ARFGEF1: variants seen among roughly 807,000 people sequenced by gnomAD.
The protein encoded by ARFGEF1 is ARF guanine nucleotide exchange factor 1, also known as brefeldin A-inhibited guanine nucleotide-exchange protein 1.
Under a neutral mutation model 231.0 loss-of-function variants are expected in ARFGEF1, and 42 were observed. The ratio of observed to expected loss-of-function variants is 0.18; its 90% confidence interval spans 0.14 to 0.24. ARFGEF1 has a LOEUF of 0.24. Ranked by LOEUF, ARFGEF1 falls within the 10% of genes least tolerant of loss-of-function variation. The pLI is 1.00. For synonymous variants in ARFGEF1, 710 were observed against 732.3 expected, an observed-to-expected ratio of 0.97 and a Z score of 0.49; for missense variants, 1,345 against 2,192.0, an observed-to-expected ratio of 0.61 and a Z score of 7.72.
intron 34 of ARFGEF1, among the ~76,000 whole-genome samples, chr8:67,206,405 A>G (rs1004773322): frequency 7.2e-6 from 1 of 139,512 alleles, no homozygotes; most frequent in Non-Finnish European, 1.5e-5. Context: ...GCCAGATTTT[A>G]TCTTTAAAAA....
Position 67,253,599 on chromosome 8 carries a change from T to A in ARFGEF1, c.2550A>T (p.Glu850Asp). The A allele has an allele frequency of 6.6e-7, 1 of 1,517,894 alleles. No individual in the cohort carries two copies. The highest frequency in any genetic ancestry group is 8.9e-7 in the Non-Finnish European group (1 of 1,122,936). The allele number at this position is 1,517,894 out of a possible 1,614,324, so 94.0% of individuals were successfully genotyped here. Residue 850 changes from glutamate (E) to aspartate (D), a missense_variant, in exon 18 of 39, where the codon GAA becomes GAT. By Grantham distance (45) the Glu-to-Asp change is conservative. Around this residue, in one of 14 missense-constraint regions of ARFGEF1, gnomAD observed 58 missense variants for 133.6 expected, o/e 0.43. Coordinates refer to ENST00000262215, the MANE Select transcript of ARFGEF1 (RefSeq NM_006421.5). ...TACCTCTATTCATCTTAATGTATTG[T>A]TCCTTTGTCATTTTATTTTTCACCT... ...SPQVKNKMTK[E>D]QYIKMNRGIN...
intron 1 of ARFGEF1, among the ~76,000 whole-genome samples, chr8:67,341,755 AGATATAAATACAGTTTTTGCCACTAG>A (rs1458455823): frequency 6.6e-6 from 1 of 152,216 alleles, no homozygotes; most frequent in Non-Finnish European, 1.5e-5. Context: ...TTCAGGATCT[AGATATAAATACAGTTTTTGCCACTAG>A]ACAACTGTCT....
intron 1 of ARFGEF1, among the ~76,000 whole-genome samples, chr8:67,315,293 CAA>C (rs1807258002): frequency 6.6e-6 from 1 of 152,034 alleles, no homozygotes; most frequent in Non-Finnish European, 1.5e-5. Context: ...GAGAAACAGA[CAA>C]ATCTGCTATT....
Position 67,198,761 on chromosome 8 carries a change from C to T in ARFGEF1, c.*173G>A. The T allele has an allele frequency of 1.4e-6, 2 of 1,396,722 alleles. No homozygotes were observed. The allele number at this position is 1,396,722 out of a possible 1,614,324, so 86.5% of individuals were successfully genotyped here. A position where few individuals can be genotyped will look rare whatever the true frequency, so the allele number is the denominator to read the frequency against. ...GGCCAATATAACACACAAAATCCAC[C>T]AGCACTAAAAGGGACTGGAGTGTTG... On this transcript the variant is annotated 3_prime_UTR_variant, in exon 39 of 39. Transcript: ENST00000262215.
chr8:67,329,087 A>G (rs1807974656), intron 1 of ARFGEF1, among the ~76,000 whole-genome samples: 1 of 152,106 alleles, frequency 6.6e-6, no homozygotes, highest in African/African-American at 2.4e-5. Flanking sequence ...TTAGCCAGGC[A>G]TGCTGGCATG....
intron 29 of ARFGEF1, among the ~76,000 whole-genome samples, chr8:67,221,165 ATTATG>A (rs1839143437): frequency 6.6e-6 from 1 of 152,204 alleles, no homozygotes. Context: ...ATGATAAACA[ATTATG>A]TTAACAATTA....
chr8:67,333,850 G>A (rs1183348109), intron 1 of ARFGEF1, among the ~76,000 whole-genome samples: 4 of 151,992 alleles, frequency 2.6e-5, no homozygotes, highest in Admixed American at 6.6e-5. Context: ...TAACAACAGT[G>A]CATAAGACCA....
At chr8:67,314,200 T>A (rs756131970) in intron 1 of ARFGEF1, among the ~76,000 whole-genome samples, 23 of 152,274 alleles carry the variant, frequency 1.5e-4, no homozygotes, top group Admixed American at 2.6e-4. Flanking sequence ...GCCTCCCAGC[T>A]GTGAAAGAAA....
chr8:67,339,029 T>C (rs1808475679), intron 1 of ARFGEF1, among the ~76,000 whole-genome samples: 2 of 151,894 alleles, frequency 1.3e-5, no homozygotes, highest in South Asian at 4.2e-4. Flanking sequence ...AAAATAAGGG[T>C]GGGATTAAAG....
intron 22 of ARFGEF1, among the ~76,000 whole-genome samples, chr8:67,236,133 AAAACAAAC>A (rs146783955): frequency 2.9e-4 from 44 of 150,388 alleles, no homozygotes; most frequent in South Asian, 1.5e-3. Context: ...TGTCTCTACT[AAAACAAAC>A]AAACAAACAA....
At chr8:67,192,688 G>A (rs1465966849), downstream of ARFGEF1, among the ~76,000 whole-genome samples, 1 of 152,188 alleles carries the variant, frequency 6.6e-6, no homozygotes, top group East Asian at 1.9e-4. Flanking sequence ...TTTTTGCACA[G>A]GGTGTGAGGT....
intron 25 of ARFGEF1, 103 bp from the exon 26 acceptor site, chr8:67,227,701 G>A: frequency 2.4e-6 from 3 of 1,266,794 alleles, no homozygotes; most frequent in South Asian, 1.6e-5. Flanking sequence ...GCATAGATAG[G>A]TAAATCCTAA....
intron 7 of ARFGEF1, among the ~76,000 whole-genome samples, chr8:67,287,097 C>T (rs960227484): frequency 1.3e-5 from 2 of 152,192 alleles, no homozygotes; most frequent in African/African-American, 4.8e-5. Flanking sequence ...GGCCTACTTG[C>T]AAGACTGGCC....
Position 67,291,983 on chromosome 8 carries a change from T to A in ARFGEF1, c.780A>T (p.Glu260Asp). Reference sequence around the variant, plus strand: ...TATGGAGGTCAAGGTCCCCTTCGTGTTCTTGGGATATATGATCAACAGTCT... The same window carrying A: ...TATGGAGGTCAAGGTCCCCTTCGTGATCTTGGGATATATGATCAACAGTCT... Reference protein sequence around the residue: ...PPQTVDHISQEHEGDLDLHTN... With the variant: ...PPQTVDHISQDHEGDLDLHTN... Residue 260 changes from glutamate to aspartate, a missense_variant, in exon 6 of 39, where the codon GAA becomes GAT. Glu to Asp is a conservative substitution (Grantham distance 45). Coordinates refer to ENST00000262215, the MANE Select transcript of ARFGEF1 (RefSeq NM_006421.5). 6.2e-7 allele frequency: 1 copy of A among 1,614,052 alleles called. No homozygotes were observed. Among genetic ancestry groups the A allele is most frequent in the Non-Finnish European group, 8.5e-7 (1 of 1,179,930 alleles).
intron 5 of ARFGEF1, among the ~76,000 whole-genome samples, chr8:67,177,340 CCT>C (rs1452099413): frequency 6.6e-6 from 1 of 152,020 alleles, no homozygotes; most frequent in East Asian, 1.9e-4. Context: ...TGAGGGAGCC[CCT>C]GTTTAACTCC....
At chr8:67,342,835 A>T (rs1389781412) in intron 1 of ARFGEF1, among the ~76,000 whole-genome samples, 1 of 152,126 alleles carries the variant, frequency 6.6e-6, no homozygotes, top group Non-Finnish European at 1.5e-5. Context: ...GCTTCATCAC[A>T]AAGGGTGGTA....
At chr8:67,331,343 C>T (rs1438541387) in intron 1 of ARFGEF1, among the ~76,000 whole-genome samples, 1 of 152,038 alleles carries the variant, frequency 6.6e-6, no homozygotes, top group Non-Finnish European at 1.5e-5. Context: ...GAGGTGGGGC[C>T]TTCAGGAGGT....
At chr8:67,290,011 A>G (rs569203010) in intron 6 of ARFGEF1, among the ~76,000 whole-genome samples, 39 of 152,328 alleles carry the variant, frequency 2.6e-4, no homozygotes, top group Non-Finnish European at 8.8e-5. Context: ...TATTTATTAC[A>G]TGTAGGAAAT....
chr8:67,200,741 T>C (rs1420224292), intron 37 of ARFGEF1, among the ~76,000 whole-genome samples: 1 of 152,196 alleles, frequency 6.6e-6, no homozygotes, highest in Non-Finnish European at 1.5e-5. Context: ...AACCCACATT[T>C]TCCTAATTTT....
Sources: gnomAD v4.1 joint callset for allele counts (sites outside exome capture counted in the v4.1 genomes callset) on GRCh38, gnomAD v4.1.1 for gene constraint, gnomAD v4.1.1 regional missense constraint, MANE v1.5 for transcripts, NCBI Gene and HGNC (gene_info 2026-07-23, HGNC 2026-07-21) for gene names.